The following FNBP1 variants were observed in gnomAD, a reference collection of about 807,000 sequenced individuals.
FNBP1 encodes formin-binding protein 1.
A neutral mutation model predicts 90.6 loss-of-function variants in FNBP1; 26 were observed. The ratio of observed to expected loss-of-function variants is 0.29; its 90% CI spans 0.21 to 0.40. The LOEUF is 0.40. Ranked by LOEUF, FNBP1 falls within the 10% of genes least tolerant of loss-of-function variation. The pLI is 1.00. For missense variants in FNBP1, 635 were observed against 768.0 expected (o/e 0.83, Z 2.05); for synonymous variants, 260 against 265.2 (o/e 0.98, Z 0.19).
At chr9:129,903,756 C>T (rs1040429467) in intron 12 of FNBP1, among the ~76,000 whole-genome samples, 2 of 152,148 alleles carry the variant, frequency 1.3e-5, no homozygotes, top group Admixed American at 6.6e-5. Context: ...GTCTTGAACT[C>T]CTGGCCTCAA....
chr9:130,047,009 A>C (rs1046882503), upstream of FNBP1, among the ~76,000 whole-genome samples: 1 of 152,106 alleles, frequency 6.6e-6, no homozygotes, highest in Admixed American at 6.6e-5. Context: ...CCTAAAACTT[A>C]AGATTGACAC....
At chr9:130,033,093 A>G (rs1014727455) in intron 1 of FNBP1, among the ~76,000 whole-genome samples, 1 of 152,140 alleles carries the variant, frequency 6.6e-6, no homozygotes, top group East Asian at 1.9e-4. Flanking sequence ...CAGGGACCAG[A>G]GTTTTTTTCA....
At chr9:130,027,632 T>C (rs2058461548) in intron 1 of FNBP1, among the ~76,000 whole-genome samples, 1 of 152,168 alleles carries the variant, frequency 6.6e-6, no homozygotes, top group Admixed American at 6.6e-5. Flanking sequence ...AACTTTTCTC[T>C]GCTCCATCAT....
chr9:129,923,965 G>A lies in FNBP1; in HGVS notation c.1049C>T (p.Pro350Leu). The change falls in exon 10 of 17, where the codon CCC (proline) becomes CTC (leucine). Residue 350 changes from proline (P) to leucine (L), a missense_variant. Physicochemically the swap from Pro to Leu is moderately conservative, Grantham distance 98. Transcript: ENST00000446176. ...CTGGGGGCCGTTGGGAACAGCAGAG[G>A]GTGAGGCAGAGGCAGGAGGGGGAGG... ...PPPPPPASAS[P>L]SAVPNGPQSP... 6.4e-6 allele frequency: 10 copies of A among 1,566,896 alleles called. No individual in the cohort carries two copies. Among genetic ancestry groups the A allele is most frequent in the Non-Finnish European group, 8.6e-6 (10 of 1,161,742 alleles).
At chr9:129,930,024 ATT>A (rs1020559422) in intron 6 of FNBP1, among the ~76,000 whole-genome samples, 3 of 135,466 alleles carry the variant, frequency 2.2e-5, no homozygotes, top group Admixed American at 7.4e-5. Flanking sequence ...TCATATACAC[ATT>A]TTTTTTTTTT....
At chr9:129,992,629 T>C (rs1008283736) in intron 2 of FNBP1, among the ~76,000 whole-genome samples, 7 of 140,454 alleles carry the variant, frequency 5.0e-5, no homozygotes, top group African/African-American at 1.6e-4. Flanking sequence ...TCTTGGCTCA[T>C]TGCAACCTCT....
intron 1 of FNBP1, among the ~76,000 whole-genome samples, chr9:130,034,888 T>C (rs1353368514): frequency 1.3e-5 from 2 of 152,232 alleles, no homozygotes; most frequent in Non-Finnish European, 2.9e-5. Context: ...GGCTAATGCC[T>C]GTAATCCCAG....
intron 1 of FNBP1, among the ~76,000 whole-genome samples, chr9:130,000,594 G>T (rs1589176427): frequency 6.6e-6 from 1 of 151,824 alleles, no homozygotes; most frequent in Admixed American, 6.6e-5. Flanking sequence ...TATTTTTTTT[G>T]AATCACATTT....
intron 10 of FNBP1, among the ~76,000 whole-genome samples, chr9:129,923,148 C>T (rs1564337440): frequency 6.6e-6 from 1 of 152,064 alleles, no homozygotes; most frequent in African/African-American, 2.4e-5. Context: ...CAGATGTGAA[C>T]TATCACGCCC....
At chr9:129,964,086 C>T (rs10988558) in intron 4 of FNBP1, among the ~76,000 whole-genome samples, 11 of 152,144 alleles carry the variant, frequency 7.2e-5, no homozygotes, top group African/African-American at 2.2e-4. Flanking sequence ...GCTCTATCTT[C>T]GCTGCTTTCA....
At chr9:129,965,683 A>AAC (rs202187436) in intron 4 of FNBP1, among the ~76,000 whole-genome samples, 4,617 of 9,894 alleles carry the variant, frequency 0.47, 261 homozygotes, top group African/African-American at 0.48. Flanking sequence ...TCTCTCTTAA[A>AAC]ACACACACAC....
In FNBP1 at chr9:130,031,178, T is replaced by C. The variant is rs547877354; in HGVS notation, c.24+11774A>G. ...ACCCACATATAAACAGGTTGAGAAA[T>C]GCAATAGATAGAAAGGCTCTCTACT... On this transcript the variant is annotated intron_variant, in intron 1 of 16. Transcript: ENST00000446176. This position sits in a 1 kb window ranked among gnomAD's most constrained non-coding sequence, Gnocchi z 4.2. Among the ~76,000 whole-genome samples, 26 of 152,252 alleles carry C rather than the reference T, an allele frequency of 1.7e-4. No homozygotes were observed. Among genetic ancestry groups the C allele is most frequent in the African/African-American group, 6.0e-4 (25 of 41,544 alleles).
chr9:129,895,005 A>T (rs1035883227), intron 16 of FNBP1, among the ~76,000 whole-genome samples: 17 of 152,296 alleles, frequency 1.1e-4, no homozygotes, highest in Admixed American at 9.2e-4. Flanking sequence ...GGTTGCAGTG[A>T]GCCACTGTAC....
Position 130,042,961 on chromosome 9 carries a change from G to C in FNBP1, c.15C>G (p.Thr5=). Residue 5 remains threonine (T), a synonymous_variant, in exon 1 of 17, where the codon ACC becomes ACG. Coordinates refer to ENST00000446176, the MANE Select transcript of FNBP1 (RefSeq NM_015033.3). The surrounding 1 kb of genome is among the most constrained non-coding windows in gnomAD (Gnocchi z 5.5). ...CCAGCCCCTCACTCACCCAGAGCTCGGTGCCCCAGCTCATGGTGCAGGGGA... is the reference window on the plus strand; with the variant it reads ...CCAGCCCCTCACTCACCCAGAGCTCCGTGCCCCAGCTCATGGTGCAGGGGA... MSWG[T]ELWDQFDNLE... 1 of 1,227,358 alleles carries C rather than the reference G, an allele frequency of 8.1e-7. No individual in the cohort carries two copies. 76.0% of individuals were successfully genotyped at this position (1,227,358 alleles called of 1,614,324 possible). A position where few individuals can be genotyped will look rare whatever the true frequency, so the allele number is the denominator to read the frequency against.
At chr9:129,897,534 T>C (rs2035986434) in intron 15 of FNBP1, among the ~76,000 whole-genome samples, 1 of 152,240 alleles carries the variant, frequency 6.6e-6, no homozygotes, top group East Asian at 1.9e-4. Flanking sequence ...ACTTGAGCTC[T>C]GATTGCTAGT....
At chr9:129,915,125 T>G (rs1427751616) in intron 11 of FNBP1, among the ~76,000 whole-genome samples, 1 of 152,018 alleles carries the variant, frequency 6.6e-6, no homozygotes, top group East Asian at 1.9e-4. Context: ...TTGAATCAGC[T>G]ATGCACAAGG....
At chr9:129,910,476 C>A (rs2039039711) in intron 11 of FNBP1, among the ~76,000 whole-genome samples, 1 of 61,678 alleles carries the variant, frequency 1.6e-5, no homozygotes, top group Admixed American at 2.7e-4. Context: ...TGCGAGACTC[C>A]ATCTCAAAAA....
intron 1 of FNBP1, among the ~76,000 whole-genome samples, chr9:130,021,828 T>G (rs1007085716): frequency 6.6e-6 from 1 of 152,212 alleles, no homozygotes; most frequent in Non-Finnish European, 1.5e-5. Flanking sequence ...ATTAGCCCTT[T>G]GTCGTCTAAG....
intron 10 of FNBP1, among the ~76,000 whole-genome samples, chr9:129,923,493 C>T (rs1348220355): frequency 6.6e-6 from 1 of 151,108 alleles, no homozygotes; most frequent in East Asian, 2.0e-4. Context: ...GCAGGAGAAT[C>T]GCTTAAACCC....
Sources: gnomAD v4.1 joint callset for allele counts (sites outside exome capture counted in the v4.1 genomes callset) on GRCh38, gnomAD v4.1.1 for gene constraint, Gnocchi (gnomAD v3.1) non-coding constraint, MANE v1.5 for transcripts, NCBI Gene and HGNC (gene_info 2026-07-23, HGNC 2026-07-21) for gene names.